Variants in RAB1B observed in about 807,000 individuals in gnomAD.
RAB1B encodes the protein RAB1B, member RAS oncogene family.
In RAB1B, 10 loss-of-function variants were observed where a neutral mutation model predicts 24.8. The ratio of observed to expected loss-of-function variants is 0.40; its 90% CI spans 0.25 to 0.68. The LOEUF (loss-of-function observed/expected upper bound fraction) is 0.68, where lower values mean the gene tolerates loss of function less well. RAB1B is among the 30% of genes least tolerant of loss of function. The pLI, the probability that RAB1B is intolerant of heterozygous loss-of-function variation, is 0.37. For missense variants in RAB1B, 154 were observed against 271.2 expected (o/e 0.57, Z 3.04); for synonymous variants, 99 against 111.7 (o/e 0.89, Z 0.72).
chr11:66,272,603 GAAAA>G, intron 4 of RAB1B, 143 bp downstream of exon 4: 1 of 566,268 alleles, frequency 1.8e-6, no homozygotes, highest in Middle Eastern at 3.1e-4. Flanking sequence ...CTAGGAAAAA[GAAAA>G]AAAATAGGTG....
chr11:66,268,713 G>A lies in RAB1B; in HGVS notation c.14+20G>A, dbSNP rs771974650. The A allele has an allele frequency of 1.3e-6, 2 of 1,559,648 alleles. No homozygotes were observed. The highest frequency in any genetic ancestry group is 2.4e-5 in the East Asian group (1 of 41,662). On this transcript the variant is annotated intron_variant, in intron 1 of 5. Coordinates refer to ENST00000311481, the MANE Select transcript of RAB1B (RefSeq NM_030981.3). ...CGAATAGTGAGTGAGCCCCGCCCGCGCCGTCCAGCGCAGCCTCGATCCCGA... is the reference window on the plus strand; with the variant it reads ...CGAATAGTGAGTGAGCCCCGCCCGCACCGTCCAGCGCAGCCTCGATCCCGA...
chr11:66,276,361 G>A lies in RAB1B; in HGVS notation c.*123G>A. On this transcript the variant is annotated 3_prime_UTR_variant, in exon 6 of 6. Transcript: ENST00000311481. The stretch of plus-strand genomic sequence containing the variant: ...GAGTCTGTGGCTTTGGGGTGTCCTG[G>A]GCTCCCCATCTCCTTCTGGCCCATC... 1.0e-6 allele frequency: 1 copy of A among 961,864 alleles called. No homozygotes were observed. Among genetic ancestry groups the A allele is most frequent in the Non-Finnish European group, 1.5e-6 (1 of 676,236 alleles). 59.6% of individuals were successfully genotyped at this position (961,864 alleles called of 1,614,324 possible).
intron 4 of RAB1B, among the ~76,000 whole-genome samples, chr11:66,274,903 C>T (rs1857117518): frequency 6.6e-6 from 1 of 152,044 alleles, no homozygotes. Flanking sequence ...ACCTCTCCTG[C>T]ACAAGGCCAG....
rs1299008927 is a variant in RAB1B at position 66,271,791 on chromosome 11, C to T, written c.15-6C>T. Reference sequence around the variant, plus strand: ...CCCTTCACGCCTTCCCATCTTCTCTCTCCAGTGACTACCTGTTTAAGCTGC... The same window carrying T: ...CCCTTCACGCCTTCCCATCTTCTCTTTCCAGTGACTACCTGTTTAAGCTGC... On this transcript the variant is annotated splice_region_variant and splice_polypyrimidine_tract_variant and intron_variant, in intron 1 of 5. Transcript: ENST00000311481. 1.2e-6 allele frequency: 2 copies of T among 1,612,882 alleles called. No individual in the cohort carries two copies. The highest frequency in any genetic ancestry group is 3.3e-5 in the Admixed American group (2 of 59,998).
chr11:66,273,729 C>T (rs1359908181), intron 4 of RAB1B, among the ~76,000 whole-genome samples: 1 of 152,226 alleles, frequency 6.6e-6, no homozygotes, highest in African/African-American at 2.4e-5. Context: ...TGTATTAATC[C>T]TGATCTTCAT....
At position 66,268,807 on chromosome 11, in the gene RAB1B, G is replaced by T. The variant is rs1236838729; in HGVS notation, c.14+114G>T. ...GACTGTGCGGCGCCCCCACATCCGG[G>T]TCCCTCTTCCGCTGACCCCCCCCCA... On this transcript the variant is annotated intron_variant, in intron 1 of 5. Transcript: ENST00000311481. 4 of 1,040,132 alleles carry T rather than the reference G, an allele frequency of 3.8e-6. No individual in the cohort carries two copies. The African/African-American group carries it at 5.5e-5, about 14-fold the overall frequency. 64.4% of individuals were successfully genotyped at this position (1,040,132 alleles called of 1,614,324 possible). A position where few individuals can be genotyped will look rare whatever the true frequency, so the allele number is the denominator to read the frequency against.
rs1226441565 is a variant in RAB1B, at chr11:66,275,858, G to A, written c.334G>A (p.Glu112Lys). ...GCAGGAGATTGACCGCTATGCCAGCGAGAACGTCAATAAGCTCCTGGTGGG... is the reference window on the plus strand; with the variant it reads ...GCAGGAGATTGACCGCTATGCCAGCAAGAACGTCAATAAGCTCCTGGTGGG... ...WLQEIDRYAS[E>K]NVNKLLVGNK... Residue 112 changes from glutamate to lysine, a missense_variant, in exon 5 of 6, where the codon GAG (glutamate) becomes AAG (lysine). This residue lies in a region of RAB1B where 77 missense variants were observed against 173.4 expected (regional missense o/e 0.44). Transcript: ENST00000311481. The A allele has an allele frequency of 4.4e-6, 7 of 1,600,676 alleles. No individual in the cohort carries two copies. Among genetic ancestry groups the A allele is most frequent in the African/African-American group, 1.3e-5 (1 of 75,012 alleles).
intron 4 of RAB1B, among the ~76,000 whole-genome samples, chr11:66,274,757 C>T (rs192581988): frequency 7.0e-6 from 1 of 143,860 alleles, no homozygotes; most frequent in East Asian, 2.1e-4. Flanking sequence ...CTCCTCCCCA[C>T]TCCCCCATTC....
chr11:66,272,418 G>C lies in RAB1B; in HGVS notation c.237G>C (p.Arg79=), dbSNP rs1333226438. The change falls in exon 4 of 6, where the codon CGG becomes CGC. Residue 79 remains arginine (R), a synonymous_variant. Transcript: ENST00000311481. ...GGACCATCACTTCCAGCTACTACCG[G>C]GGGGCTCATGGCATCATCGTGGTGT... The part of the protein sequence containing the change: ...RFRTITSSYY[R]GAHGIIVVYD... 4 of 1,605,800 alleles carry C rather than the reference G, an allele frequency of 2.5e-6. No individual in the cohort carries two copies. The highest frequency in any genetic ancestry group is 2.2e-5 in the East Asian group (1 of 44,750).
At position 66,277,379 on chromosome 11, in the gene RAB1B, GTGTCA is replaced by G. The variant is rs1375417981; in HGVS notation, c.*1147_*1151del. 6.6e-6 allele frequency: 1 copy of G among 152,598 alleles called. No homozygotes were observed. Among genetic ancestry groups the G allele is most frequent in the East Asian group, 1.9e-4 (1 of 5,196 alleles). The allele number at this position is 152,598 out of a possible 1,614,324, so 9.5% of individuals were successfully genotyped here. A position where few individuals can be genotyped will look rare whatever the true frequency, so the allele number is the denominator to read the frequency against. On this transcript the variant is annotated 3_prime_UTR_variant, in exon 6 of 6. Coordinates refer to ENST00000311481, the MANE Select transcript of RAB1B (RefSeq NM_030981.3). ...CCCCCCGCTCCCAGGTTCCCCTCTG[GTGTCA>G]TGTCAGGCATTTTGCAAGGAAAAGC...
chr11:66,272,318 G>A lies in RAB1B; in HGVS notation c.184-47G>A, dbSNP rs759670226. ...CCACCTTGGGAGGGAAGGGACTCTG[G>A]GACTCTGGACCTCAGCTGACCTGCT... On this transcript the variant is annotated intron_variant, in intron 3 of 5. Coordinates refer to ENST00000311481, the MANE Select transcript of RAB1B (RefSeq NM_030981.3). The A allele has an allele frequency of 5.0e-6, 8 of 1,603,488 alleles. No individual in the cohort carries two copies. In the South Asian group the frequency reaches 7.7e-5, roughly 15 times the overall value.
At chr11:66,270,237 TTGTTG>T (rs1857033198) in intron 1 of RAB1B, 1 of 346 alleles carries the variant, frequency 2.9e-3, no homozygotes, top group African/African-American at 9.4e-3. Flanking sequence ...CAGGTTTTTG[TTGTTG>T]TTGTTGTTGT....
chr11:66,269,389 G>A (rs770905568), intron 1 of RAB1B, among the ~76,000 whole-genome samples: 6 of 152,180 alleles, frequency 3.9e-5, no homozygotes, highest in Non-Finnish European at 8.8e-5. Context: ...AGATGAATAT[G>A]GAATTTGCTC....
chr11:66,275,743 C>G (rs1857130908), intron 4 of RAB1B, 61 bp from the exon 5 acceptor site: 5 of 1,525,754 alleles, frequency 3.3e-6, no homozygotes, highest in Non-Finnish European at 4.4e-6. Flanking sequence ...AGGTCTTCTC[C>G]AGGCCTGGGG....
chr11:66,268,824 C>CCG (rs1856992399), intron 1 of RAB1B, 131 bp downstream of exon 1: 12 of 933,220 alleles, frequency 1.3e-5, no homozygotes, highest in Middle Eastern at 5.2e-4. Flanking sequence ...TTCCGCTGAC[C>CCG]CCCCCCCACA....
At chr11:66,273,707 G>A (rs1325908407) in intron 4 of RAB1B, among the ~76,000 whole-genome samples, 1 of 152,190 alleles carries the variant, frequency 6.6e-6, no homozygotes, top group Non-Finnish European at 1.5e-5. Context: ...GTCTACACTG[G>A]CACTTTGTGT....
At chr11:66,268,824 C>CCA in intron 1 of RAB1B, 131 bp downstream of exon 1, 1 of 933,218 alleles carries the variant, frequency 1.1e-6, no homozygotes, top group Middle Eastern at 2.6e-4. Flanking sequence ...TTCCGCTGAC[C>CCA]CCCCCCCACA....
chr11:66,275,361 C>T (rs1448607645), intron 4 of RAB1B, among the ~76,000 whole-genome samples: 1 of 152,200 alleles, frequency 6.6e-6, no homozygotes. Context: ...TCTGAGAGGA[C>T]CCTCGAACTC....
intron 4 of RAB1B, 183 bp downstream of exon 4, chr11:66,272,643 G>A (rs1857079370): frequency 4.4e-6 from 2 of 458,752 alleles, no homozygotes; most frequent in African/African-American, 3.9e-5. Context: ...ATTTCACAAG[G>A]AGGGAAACAG....
Sources: gnomAD v4.1 joint callset for allele counts (sites outside exome capture counted in the v4.1 genomes callset) on GRCh38, gnomAD v4.1.1 for gene constraint, gnomAD v4.1.1 regional missense constraint, MANE v1.5 for transcripts, NCBI Gene and HGNC (gene_info 2026-07-23, HGNC 2026-07-21) for gene names.